Variants in SRRM3 observed in about 807,000 individuals in gnomAD.
SRRM3 encodes the protein serine/arginine repetitive matrix protein 3.
In SRRM3, 27 loss-of-function variants were observed where a neutral mutation model predicts 66.2. The observed-to-expected ratio is 0.41, with a 90% CI of 0.30 to 0.56. The LOEUF (loss-of-function observed/expected upper bound fraction) is 0.56, where lower values mean the gene tolerates loss of function less well. SRRM3 is among the 20% of genes least tolerant of loss of function. SRRM3 has a pLI of 0.32. For missense variants in SRRM3, 918 were observed against 991.9 expected (o/e 0.93, Z 1.00); for synonymous variants, 391 against 414.9 (o/e 0.94, Z 0.70).
intron 2 of SRRM3, among the ~76,000 whole-genome samples, chr7:76,245,671 G>A (rs1195152324): frequency 1.2e-4 from 18 of 152,090 alleles, no homozygotes; most frequent in African/African-American, 4.1e-4. Context: ...AGGTTTTCTT[G>A]TTGGTTTTTT....
intron 3 of SRRM3, among the ~76,000 whole-genome samples, chr7:76,259,079 G>GA (rs1175577978): frequency 1.6e-4 from 22 of 134,202 alleles, no homozygotes; most frequent in Admixed American, 1.0e-3. Context: ...GAGTGAGACT[G>GA]AAAAAAAAAA....
At chr7:76,259,839 T>C (rs1354927056) in intron 3 of SRRM3, 67 bp from the exon 4 acceptor site, 9 of 1,589,802 alleles carry the variant, frequency 5.7e-6, no homozygotes, top group Non-Finnish European at 6.8e-6. Flanking sequence ...TCAGGCCCCC[T>C]GCGCCGAGAA....
At chr7:76,233,797 A>G (rs532677458) in intron 1 of SRRM3, among the ~76,000 whole-genome samples, 1 of 152,186 alleles carries the variant, frequency 6.6e-6, no homozygotes, top group South Asian at 2.1e-4. Context: ...CTTGGGACTC[A>G]GGGGGAAGGA....
At chr7:76,214,895 C>A (rs1190507603) in intron 1 of SRRM3, among the ~76,000 whole-genome samples, 1 of 151,934 alleles carries the variant, frequency 6.6e-6, no homozygotes, top group African/African-American at 2.4e-5. Context: ...AGACATGAGC[C>A]ACTGTGCCCA....
intron 1 of SRRM3, among the ~76,000 whole-genome samples, chr7:76,231,452 C>G (rs1220799599): frequency 6.6e-6 from 1 of 152,250 alleles, no homozygotes; most frequent in African/African-American, 2.4e-5. Flanking sequence ...ACGACTCTCA[C>G]CAGCTTTCCG....
chr7:76,244,101 T>TG, intron 2 of SRRM3, among the ~76,000 whole-genome samples: 1 of 152,020 alleles, frequency 6.6e-6, no homozygotes, highest in African/African-American at 2.4e-5. Context: ...CACGAGGGGA[T>TG]GGGGGGTTAG....
Position 76,282,450 on chromosome 7 carries a change from C to T in SRRM3, c.1371-198C>T, listed in dbSNP as rs1248666470. 2.7e-5 allele frequency among the ~76,000 whole-genome samples: 4 copies of T among 150,678 alleles called. No homozygotes were observed. The East Asian group carries it at 8.0e-4, about 30-fold the overall frequency. On this transcript the variant is annotated intron_variant, in intron 12 of 14. Coordinates refer to ENST00000611745, the MANE Select transcript of SRRM3 (RefSeq NM_001110199.3). Reference sequence around the variant, plus strand: ...TCTCCTCCACTGATCTCCCCCAACACGCCCCCTCACGGGGCTCCCCCTGAA... The same window carrying T: ...TCTCCTCCACTGATCTCCCCCAACATGCCCCCTCACGGGGCTCCCCCTGAA...
chr7:76,203,284 G>T (rs1187457415), intron 1 of SRRM3, among the ~76,000 whole-genome samples: 1 of 152,204 alleles, frequency 6.6e-6, no homozygotes. Flanking sequence ...GTTTTAAGAG[G>T]TAGGGGTATG....
chr7:76,218,076 G>A (rs897695859), intron 1 of SRRM3, among the ~76,000 whole-genome samples: 4 of 152,212 alleles, frequency 2.6e-5, no homozygotes, highest in Admixed American at 6.5e-5. Flanking sequence ...ACAACTTCTA[G>A]CCCATCGTGC....
intron 1 of SRRM3, 116 bp from the exon 2 acceptor site, chr7:76,234,912 A>C: frequency 1.5e-6 from 1 of 648,672 alleles, no homozygotes; most frequent in South Asian, 2.1e-5. Context: ...CAGGAAAGGA[A>C]GCGGATTAGA....
intron 2 of SRRM3, among the ~76,000 whole-genome samples, chr7:76,238,691 C>T (rs954624152): frequency 1.3e-5 from 2 of 152,170 alleles, no homozygotes; most frequent in Admixed American, 6.6e-5. Context: ...GATGGATTCT[C>T]GCTGTGTCAC....
intron 11 of SRRM3, among the ~76,000 whole-genome samples, chr7:76,271,989 T>G (rs1195292979): frequency 1.3e-5 from 2 of 152,082 alleles, no homozygotes; most frequent in Admixed American, 1.3e-4. Flanking sequence ...GAAATAAATA[T>G]CGAGGCACAG....
intron 11 of SRRM3, among the ~76,000 whole-genome samples, chr7:76,277,716 C>CAAAAAAAAAAAAAAAAAAAAACA (rs386353056): frequency 9.7e-6 from 1 of 102,782 alleles, no homozygotes; most frequent in Non-Finnish European, 1.8e-5. Flanking sequence ...TAAACAACAA[C>CAAAAAAAAAAAAAAAAAAAAACA]AAAAAAAAAA....
chr7:76,241,243 C>A (rs1468748278), intron 2 of SRRM3, among the ~76,000 whole-genome samples: 1 of 152,184 alleles, frequency 6.6e-6, no homozygotes, highest in Non-Finnish European at 1.5e-5. Context: ...TGCTAGCCAG[C>A]CTTCCTGCAT....
chr7:76,260,147 G>T lies in SRRM3; in HGVS notation c.495G>T (p.Ser165=), dbSNP rs543889976. Residue 165 remains serine, a synonymous_variant, in exon 5 of 15, where the codon TCG becomes TCT. Coordinates refer to ENST00000611745, the MANE Select transcript of SRRM3 (RefSeq NM_001110199.3). ...AGCATTGGTCTAGCAGCTCGGCATC[G>T]CCCCCTCCCAAGAAAAAGAAGAAAA... ...RTKHWSSSSA[S]PPPKKKKKKK... 1.6e-5 allele frequency: 24 copies of T among 1,526,802 alleles called. No homozygotes were observed. The highest frequency in any genetic ancestry group is 6.0e-5 in the South Asian group (5 of 82,662). 94.6% of individuals were successfully genotyped at this position (1,526,802 alleles called of 1,614,324 possible).
At chr7:76,234,113 T>C (rs1407821090) in intron 1 of SRRM3, among the ~76,000 whole-genome samples, 1 of 149,268 alleles carries the variant, frequency 6.7e-6, no homozygotes, top group Non-Finnish European at 1.5e-5. Context: ...CCCTGTTGCT[T>C]AGCAACTAGC....
chr7:76,264,580 G>A (rs1554609208), intron 8 of SRRM3, among the ~76,000 whole-genome samples, 185 bp from the exon 9 acceptor site: 2 of 152,140 alleles, frequency 1.3e-5, no homozygotes, highest in African/African-American at 4.8e-5. Context: ...GAGGAAGGCC[G>A]GAGCTTTGGC....
intron 3 of SRRM3, among the ~76,000 whole-genome samples, 198 bp from the exon 4 acceptor site, chr7:76,259,708 T>G (rs1413571411): frequency 1.3e-5 from 2 of 152,162 alleles, no homozygotes; most frequent in Non-Finnish European, 2.9e-5. Context: ...GTCGGGGACC[T>G]GTAGGGGATG....
intron 11 of SRRM3, among the ~76,000 whole-genome samples, chr7:76,274,823 T>C (rs1554610898): frequency 6.6e-6 from 1 of 152,206 alleles, no homozygotes; most frequent in Admixed American, 6.5e-5. Context: ...TTTGGCATTC[T>C]GGCCAGGTGC....
Sources: gnomAD v4.1 joint callset for allele counts (sites outside exome capture counted in the v4.1 genomes callset) on GRCh38, gnomAD v4.1.1 for gene constraint, MANE v1.5 for transcripts, NCBI Gene and HGNC (gene_info 2026-07-23, HGNC 2026-07-21) for gene names.